BBC3: variants seen among roughly 807,000 people sequenced by gnomAD.
BBC3 encodes the protein BCL2 binding component 3, also known as bcl-2-binding component 3.
In BBC3, 5 loss-of-function variants were observed where a neutral mutation model predicts 18.2. The ratio of observed to expected loss-of-function variants is 0.27; its 90% CI spans 0.14 to 0.58. The LOEUF (loss-of-function observed/expected upper bound fraction) is 0.58, where lower values mean the gene tolerates loss of function less well. Ranked by LOEUF, BBC3 falls within the 20% of genes least tolerant of loss-of-function variation. The pLI, the probability that BBC3 is intolerant of heterozygous loss-of-function variation, is 0.91. For missense variants in BBC3, 224 were observed against 268.9 expected (o/e 0.83, Z 1.17); for synonymous variants, 119 against 128.0 (o/e 0.93, Z 0.47).
At chr19:47,231,342 G>GCGCGC, upstream of BBC3, 1 of 384,188 alleles carries the variant, frequency 2.6e-6, no homozygotes, top group Non-Finnish European at 3.6e-6. The surrounding 1 kb of genome is among the most constrained non-coding windows in gnomAD (Gnocchi z 4.0). Flanking sequence ...ACTTGCAGGC[G>GCGCGC]CGCGCCGCGC....
intron 1 of BBC3, among the ~76,000 whole-genome samples, chr19:47,229,106 A>G (rs181323797): frequency 2.0e-5 from 3 of 152,228 alleles, no homozygotes; most frequent in African/African-American, 4.8e-5. Flanking sequence ...AAACTGTCAA[A>G]GTCTCACACA....
At position 47,221,914 on chromosome 19, in the gene BBC3, TGTC is replaced by T; in HGVS notation, c.467_469del (p.Arg156_Gln157delinsLys). Reference sequence around the variant, plus strand: ...GGGGCGGTGCCGCTGCTGCTCCTCTTGTCTCTGGGGAAAAGAGAGAGAAGGGGC... The same window carrying T: ...GGGGCGGTGCCGCTGCTGCTCCTCTTTCTGGGGAAAAGAGAGAGAAGGGGC... On this transcript the variant is annotated inframe_deletion and splice_region_variant, in exon 4 of 4. Coordinates refer to ENST00000439096, the MANE Select transcript of BBC3 (RefSeq NM_014417.5). 6.2e-7 allele frequency: 1 copy of T among 1,601,670 alleles called. No individual in the cohort carries two copies.
upstream of BBC3, chr19:47,232,511 T>G: frequency 6.5e-7 from 1 of 1,547,272 alleles, no homozygotes; most frequent in East Asian, 2.5e-5. Flanking sequence ...CTGGCCACAC[T>G]CACCACAAAT....
chr19:47,232,563 G>T (rs1030402131), upstream of BBC3: 47 of 1,548,360 alleles, frequency 3.0e-5, no homozygotes, highest in Non-Finnish European at 4.0e-5. Context: ...CTGGGCACCT[G>T]GCATGGACAT....
chr19:47,230,651 C>T lies in BBC3; in HGVS notation c.-16+278G>A, dbSNP rs1413686273. 3 of 900,982 alleles carry T rather than the reference C, an allele frequency of 3.3e-6. No homozygotes were observed. The African/African-American group carries it at 5.4e-5, about 16-fold the overall frequency. 55.8% of individuals were successfully genotyped at this position (900,982 alleles called of 1,614,324 possible). On this transcript the variant is annotated intron_variant, in intron 1 of 3. Transcript: ENST00000439096. This position sits in a 1 kb window ranked among gnomAD's most constrained non-coding sequence, Gnocchi z 6.7. ...GTCGACCCTCTTCCCCGGGGCCGCA[C>T]TGGCCGCCAGGGGGCGCTGCCGAGC...
In BBC3 at chr19:47,230,715, C is replaced by T. The variant is rs1437306593; in HGVS notation, c.-16+214G>A. The stretch of plus-strand genomic sequence containing the variant: ...TTTGTAAACAAACCCGCCAGACCGC[C>T]GAGGCACCTGTGCGCCCAGACCGGC... On this transcript the variant is annotated intron_variant, in intron 1 of 3. Transcript: ENST00000439096. The surrounding 1 kb of genome is among the most constrained non-coding windows in gnomAD (Gnocchi z 6.7). 2.0e-6 allele frequency: 2 copies of T among 984,948 alleles called. No individual in the cohort carries two copies. The highest frequency in any genetic ancestry group is 2.4e-6 in the Non-Finnish European group (2 of 829,690). 61.0% of individuals were successfully genotyped at this position (984,948 alleles called of 1,614,324 possible).
At chr19:47,229,223 C>G (rs1336351017) in intron 1 of BBC3, among the ~76,000 whole-genome samples, 1 of 151,830 alleles carries the variant, frequency 6.6e-6, no homozygotes, top group Non-Finnish European at 1.5e-5. Context: ...CCAAACATGC[C>G]CCTCTCCACA....
In BBC3 at chr19:47,228,411, C is replaced by T. The variant is rs1049618600; in HGVS notation, c.21G>A (p.Glu7=). ...CCTCTACGGGCTCCGGGGAGCTGCC[C>T]TCCTGGCGTGCGCGGGCCATGGCGC... The part of the protein sequence containing the change: MARARQ[E]GSSPEPVEGL... The change falls in exon 2 of 4, where the codon GAG becomes GAA. Residue 7 remains glutamate, a synonymous_variant. Transcript: ENST00000439096. The surrounding 1 kb of genome is among the most constrained non-coding windows in gnomAD (Gnocchi z 5.5). The T allele has an allele frequency of 2.4e-6, 3 of 1,231,772 alleles. No homozygotes were observed. Among genetic ancestry groups the T allele is most frequent in the Non-Finnish European group, 3.0e-6 (3 of 987,988 alleles). The allele number at this position is 1,231,772 out of a possible 1,614,324, so 76.3% of individuals were successfully genotyped here. A position where few individuals can be genotyped will look rare whatever the true frequency, so the allele number is the denominator to read the frequency against.
At position 47,226,585 on chromosome 19, in the gene BBC3, G is replaced by T; in HGVS notation, c.444C>A (p.Leu148=). 1 of 1,581,090 alleles carries T rather than the reference G, an allele frequency of 6.3e-7. No homozygotes were observed. ...GAQLRRMADD[L]NAQYERRRQE... ...TCACCCGCCGCTCGTACTGTGCGTTGAGGTCGTCCGCCATCCGCCGCAGCT... is the reference window on the plus strand; with the variant it reads ...TCACCCGCCGCTCGTACTGTGCGTTTAGGTCGTCCGCCATCCGCCGCAGCT... Residue 148 remains leucine, a synonymous_variant, in exon 3 of 4, where the codon CTC becomes CTA. Transcript: ENST00000439096.
At chr19:47,229,915 A>C (rs2058888689) in intron 1 of BBC3, among the ~76,000 whole-genome samples, 1 of 152,108 alleles carries the variant, frequency 6.6e-6, no homozygotes, top group African/African-American at 2.4e-5. Flanking sequence ...CGCTGGGCAA[A>C]AGACACATGC....
At chr19:47,232,564 GC>G, upstream of BBC3, 1 of 1,548,402 alleles carries the variant, frequency 6.5e-7, no homozygotes, top group Non-Finnish European at 8.7e-7. Flanking sequence ...TGGGCACCTG[GC>G]ATGGACATGC....
intron 3 of BBC3, 95 bp from the exon 4 acceptor site, chr19:47,222,013 T>G (rs1158718474): frequency 5.2e-6 from 6 of 1,149,656 alleles, no homozygotes; most frequent in Non-Finnish European, 1.2e-6. Flanking sequence ...GGCGACAGTC[T>G]CGCCCACCCT....
chr19:47,230,662 G>C lies in BBC3; in HGVS notation c.-16+267C>G. Reference sequence around the variant, plus strand: ...TCCCCGGGGCCGCACTGGCCGCCAGGGGGCGCTGCCGAGCCCGCACCCCAT... The same window carrying C: ...TCCCCGGGGCCGCACTGGCCGCCAGCGGGCGCTGCCGAGCCCGCACCCCAT... On this transcript the variant is annotated intron_variant, in intron 1 of 3. Transcript: ENST00000439096. The surrounding 1 kb of genome is among the most constrained non-coding windows in gnomAD (Gnocchi z 6.7). 1 of 936,278 alleles carries C rather than the reference G, an allele frequency of 1.1e-6. No individual in the cohort carries two copies. Among genetic ancestry groups the C allele is most frequent in the Non-Finnish European group, 1.3e-6 (1 of 785,332 alleles). The allele number at this position is 936,278 out of a possible 1,614,324, so 58.0% of individuals were successfully genotyped here.
chr19:47,231,684 T>TA (rs1047977312), upstream of BBC3, among the ~76,000 whole-genome samples: 8 of 151,766 alleles, frequency 5.3e-5, no homozygotes, highest in African/African-American at 1.9e-4. The surrounding 1 kb of genome is among the most constrained non-coding windows in gnomAD (Gnocchi z 4.0). Flanking sequence ...GGCTCACACT[T>TA]ACACACACCC....
At chr19:47,227,072 T>A in intron 2 of BBC3, 1 of 241,954 alleles carries the variant, frequency 4.1e-6, no homozygotes, top group Non-Finnish European at 8.1e-6. Flanking sequence ...ACATTTTGCC[T>A]TTTCCATGTG....
Position 47,226,259 on chromosome 19 carries a change from C to T in BBC3, c.465+305G>A, listed in dbSNP as rs1014386891. On this transcript the variant is annotated intron_variant, in intron 3 of 3. Transcript: ENST00000439096. The stretch of plus-strand genomic sequence containing the variant: ...AGCCCGGGATATATGAGCCGCGCCG[C>T]CCAGCGCCGCCCTCAGTCCCCGCGG... Among the ~76,000 whole-genome samples the T allele has an allele frequency of 3.3e-5, 5 of 151,842 alleles. No individual in the cohort carries two copies. The South Asian group carries it at 1.0e-3, about 31-fold the overall frequency.
intron 3 of BBC3, among the ~76,000 whole-genome samples, chr19:47,224,047 C>T (rs2058781939): frequency 6.6e-6 from 1 of 152,168 alleles, no homozygotes. Context: ...GTAATCCCAG[C>T]ACTTTGGGAG....
chr19:47,221,878 C>A lies in BBC3; in HGVS notation c.506G>T (p.Arg169Met). The A allele has an allele frequency of 6.2e-7, 1 of 1,611,386 alleles. No homozygotes were observed. The highest frequency in any genetic ancestry group is 8.5e-7 in the Non-Finnish European group (1 of 1,178,998). Reference protein sequence around the residue: ...EQQRHRPSPWRVLYNLIMGLL... With the variant: ...EQQRHRPSPWMVLYNLIMGLL... ...TCCCATGATGAGATTGTACAGGACC[C>A]TCCAGGGTGAGGGGCGGTGCCGCTG... is the stretch of plus-strand genomic sequence containing the variant. The change falls in exon 4 of 4, where the codon AGG becomes ATG. Residue 169 changes from arginine (R) to methionine (M), a missense_variant. Transcript: ENST00000439096.
chr19:47,225,445 T>C (rs2058803114), intron 3 of BBC3, among the ~76,000 whole-genome samples: 1 of 149,410 alleles, frequency 6.7e-6, no homozygotes, highest in Admixed American at 6.7e-5. Flanking sequence ...CAGCCTCGAC[T>C]TCCTTGGCTC....
Sources: gnomAD v4.1 joint callset for allele counts (sites outside exome capture counted in the v4.1 genomes callset) on GRCh38, gnomAD v4.1.1 for gene constraint, Gnocchi (gnomAD v3.1) non-coding constraint, MANE v1.5 for transcripts, NCBI Gene and HGNC (gene_info 2026-07-23, HGNC 2026-07-21) for gene names.